The following HERC4 variants were observed in gnomAD, a reference collection of about 807,000 sequenced individuals.
The protein encoded by HERC4 is probable E3 ubiquitin-protein ligase HERC4.
HERC4 carries 28 observed loss-of-function variants against 124.3 expected under a neutral mutation model. The observed-to-expected ratio is 0.23, with a 90% CI of 0.17 to 0.31. The LOEUF is 0.31. Ranked by LOEUF, HERC4 falls within the 10% of genes least tolerant of loss-of-function variation. HERC4 has a pLI of 1.00. For missense variants in HERC4, 713 were observed against 1,229.3 expected, an observed-to-expected ratio of 0.58 and a Z score of 6.28; for synonymous variants, 407 against 421.5, an observed-to-expected ratio of 0.97 and a Z score of 0.42.
At chr10:67,927,903 G>A (rs1410040835) in intron 23 of HERC4, among the ~76,000 whole-genome samples, 1 of 152,098 alleles carries the variant, frequency 6.6e-6, no homozygotes, top group Admixed American at 6.5e-5. Flanking sequence ...GGGGGAAGGA[G>A]CAACCTAAGT....
chr10:68,015,553 G>C (rs2038213678), intron 8 of HERC4, among the ~76,000 whole-genome samples: 1 of 152,064 alleles, frequency 6.6e-6, no homozygotes, highest in Non-Finnish European at 1.5e-5. Context: ...GTTTTTGCCA[G>C]GTGGAGTTCT....
chr10:68,029,583 C>T (rs1054481956), intron 7 of HERC4, among the ~76,000 whole-genome samples: 1 of 151,618 alleles, frequency 6.6e-6, no homozygotes, highest in Non-Finnish European at 1.5e-5. Flanking sequence ...CAGCAAAATG[C>T]TGTATTTTAA....
At chr10:67,944,708 A>T (rs909354239) in intron 19 of HERC4, among the ~76,000 whole-genome samples, 1 of 152,260 alleles carries the variant, frequency 6.6e-6, no homozygotes, top group African/African-American at 2.4e-5. Flanking sequence ...GAAATCCAAG[A>T]TAACACAGAA....
At chr10:68,038,886 T>G (rs1005023162) in intron 4 of HERC4, among the ~76,000 whole-genome samples, 1 of 152,214 alleles carries the variant, frequency 6.6e-6, no homozygotes, top group East Asian at 1.9e-4. Flanking sequence ...GGCTCATTTT[T>G]AAAACATTAC....
intron 3 of HERC4, chr10:68,068,789 G>A (rs2041426891): frequency 6.6e-6 from 1 of 152,148 alleles, no homozygotes; most frequent in Admixed American, 6.6e-5. Context: ...TGAGATTAAG[G>A]ATAAAAACCA....
intron 6 of HERC4, 140 bp from the exon 7 acceptor site, chr10:68,033,009 A>G: frequency 1.6e-6 from 1 of 606,316 alleles, no homozygotes; most frequent in Admixed American, 2.7e-5. Context: ...TTGTAGTACA[A>G]GCTTACTAAG....
At chr10:68,020,013 A>AG (rs1300060576) in intron 8 of HERC4, among the ~76,000 whole-genome samples, 1 of 151,874 alleles carries the variant, frequency 6.6e-6, no homozygotes, top group Non-Finnish European at 1.5e-5. Flanking sequence ...TTCTTTGGGG[A>AG]GCCAGGCATT....
At chr10:68,073,934 C>A (rs2041687776) in intron 1 of HERC4, 1 of 152,026 alleles carries the variant, frequency 6.6e-6, no homozygotes, top group Non-Finnish European at 1.5e-5. Flanking sequence ...AATATCAATT[C>A]TCTCCAAAAT....
intron 15 of HERC4, among the ~76,000 whole-genome samples, chr10:67,985,426 A>G (rs139640103): frequency 1.3e-5 from 2 of 152,252 alleles, no homozygotes; most frequent in Non-Finnish European, 2.9e-5. Context: ...TAAAACCTAT[A>G]TAAGTTTGAT....
intron 23 of HERC4, among the ~76,000 whole-genome samples, chr10:67,926,502 T>C (rs899015100): frequency 2.0e-5 from 3 of 152,210 alleles, no homozygotes; most frequent in African/African-American, 7.2e-5. Flanking sequence ...TGAACTGTTC[T>C]TATCCAGCCG....
At chr10:68,055,937 A>AG (rs1209376730) in intron 3 of HERC4, among the ~76,000 whole-genome samples, 19 of 151,844 alleles carry the variant, frequency 1.3e-4, no homozygotes, top group South Asian at 2.1e-4. Flanking sequence ...TTTTTAGTAG[A>AG]GGGGGGGTTT....
intron 23 of HERC4, among the ~76,000 whole-genome samples, chr10:67,927,576 C>A (rs983242779): frequency 6.6e-5 from 10 of 151,472 alleles, no homozygotes; most frequent in Non-Finnish European, 1.2e-4. Flanking sequence ...CAGGCCTACA[C>A]CACCACACCC....
At chr10:67,947,880 G>A (rs1249454723) in intron 19 of HERC4, among the ~76,000 whole-genome samples, 2 of 137,768 alleles carry the variant, frequency 1.5e-5, no homozygotes, top group Non-Finnish European at 3.1e-5. Flanking sequence ...TAGCAGAGAC[G>A]GGGTTTCACC....
At chr10:68,020,801 G>A (rs1397399721) in intron 8 of HERC4, among the ~76,000 whole-genome samples, 1 of 150,492 alleles carries the variant, frequency 6.6e-6, no homozygotes, top group Non-Finnish European at 1.5e-5. Flanking sequence ...GAGTTGGAAA[G>A]TACAATACCT....
At chr10:68,069,389 G>A in intron 3 of HERC4, 1 of 985,190 alleles carries the variant, frequency 1.0e-6, no homozygotes, top group Non-Finnish European at 1.2e-6. Flanking sequence ...ATTCAGAAAA[G>A]CCAGTAGTGA....
At chr10:67,925,050 T>C (rs1467622664) in intron 24 of HERC4, 35 bp downstream of exon 24, 1 of 1,151,132 alleles carries the variant, frequency 8.7e-7, no homozygotes, top group East Asian at 2.4e-5. Flanking sequence ...TAGATTCCAG[T>C]CTCATAAAGT....
intron 15 of HERC4, among the ~76,000 whole-genome samples, chr10:67,970,423 C>G (rs778405411): frequency 2.0e-5 from 3 of 152,098 alleles, no homozygotes; most frequent in Admixed American, 6.5e-5. Flanking sequence ...GAAACCCTGT[C>G]CCTACTGAAA....
chr10:67,995,845 T>C (rs2036841256), intron 9 of HERC4, among the ~76,000 whole-genome samples: 1 of 152,214 alleles, frequency 6.6e-6, no homozygotes, highest in Non-Finnish European at 1.5e-5. Flanking sequence ...TATTGTGACA[T>C]TAGGATCTAA....
chr10:68,025,693 C>G lies in HERC4; in HGVS notation c.778-17G>C. On this transcript the variant is annotated splice_polypyrimidine_tract_variant and intron_variant, in intron 7 of 24. Coordinates refer to ENST00000373700, the MANE Select transcript of HERC4 (RefSeq NM_015601.4). ...TCCACCTTCCTAAAAAAAGACAAAA[C>G]CCCTTATCATTAGAAGGCATGATAA... 1 of 1,598,192 alleles carries G rather than the reference C, an allele frequency of 6.3e-7. No homozygotes were observed. Among genetic ancestry groups the G allele is most frequent in the Non-Finnish European group, 8.5e-7 (1 of 1,173,112 alleles).
Sources: allele counts gnomAD v4.1 joint callset (sites outside exome capture counted in the v4.1 genomes callset), GRCh38; gene constraint gnomAD v4.1.1; transcripts MANE v1.5; gene names NCBI Gene and HGNC (gene_info 2026-07-23, HGNC 2026-07-21).